CNTNAP2: variants seen among roughly 807,000 people sequenced by gnomAD.
CNTNAP2 encodes the protein contactin associated protein 2, also known as contactin-associated protein-like 2.
In CNTNAP2, 98 loss-of-function variants were observed where a neutral mutation model predicts 155.2. The observed-to-expected ratio is 0.63, with a 90% CI of 0.54 to 0.75. The LOEUF is 0.75. CNTNAP2 is among the 30% of genes least tolerant of loss of function. The pLI, the probability that CNTNAP2 is intolerant of heterozygous loss-of-function variation, is 0.00. For missense variants in CNTNAP2, 1,727 were observed against 1,688.1 expected, an observed-to-expected ratio of 1.02 and a Z score of -0.40; for synonymous variants, 651 against 631.2, an observed-to-expected ratio of 1.03 and a Z score of -0.47.
chr7:147,032,159 A>T (rs143689247), intron 3 of CNTNAP2, among the ~76,000 whole-genome samples: 8,639 of 152,160 alleles, frequency 0.057, 332 homozygotes, highest in Middle Eastern at 0.13. Flanking sequence ...CATTCTTTTT[A>T]AAAAAATGAC....
chr7:146,623,280 C>A (rs889117064), intron 1 of CNTNAP2, among the ~76,000 whole-genome samples: 18 of 152,144 alleles, frequency 1.2e-4, no homozygotes, highest in Non-Finnish European at 2.4e-4. Flanking sequence ...TGACTTCCTG[C>A]ATACGTTTTA....
At chr7:146,382,510 T>G (rs926133242) in intron 1 of CNTNAP2, among the ~76,000 whole-genome samples, 2 of 152,220 alleles carry the variant, frequency 1.3e-5, no homozygotes, top group African/African-American at 4.8e-5. Flanking sequence ...TTCATTAGGC[T>G]ACACCAAACT....
intron 2 of CNTNAP2, among the ~76,000 whole-genome samples, chr7:146,800,904 G>A (rs540580275): frequency 6.6e-6 from 1 of 152,086 alleles, no homozygotes; most frequent in Non-Finnish European, 1.5e-5. Context: ...CATGCAATGT[G>A]GGAAAAGTAT....
At chr7:146,802,945 G>A (rs1162687298) in intron 2 of CNTNAP2, among the ~76,000 whole-genome samples, 1 of 152,142 alleles carries the variant, frequency 6.6e-6, no homozygotes, top group Non-Finnish European at 1.5e-5. Flanking sequence ...TTCCAGTAGT[G>A]CTATGAAGAG....
intron 11 of CNTNAP2, among the ~76,000 whole-genome samples, chr7:147,533,164 G>A (rs1336431713): frequency 6.6e-6 from 1 of 152,100 alleles, no homozygotes; most frequent in Non-Finnish European, 1.5e-5. Context: ...TTCTGTTTGG[G>A]GATGTTGTTT....
chr7:147,468,491 G>A (rs1019714181), intron 10 of CNTNAP2, among the ~76,000 whole-genome samples: 7 of 152,052 alleles, frequency 4.6e-5, no homozygotes, highest in East Asian at 1.9e-4. Flanking sequence ...TGCAGGTAAC[G>A]GGACTTATGT....
chr7:147,659,812 A>G (rs950947201), intron 13 of CNTNAP2, among the ~76,000 whole-genome samples: 1 of 152,214 alleles, frequency 6.6e-6, no homozygotes, highest in Non-Finnish European at 1.5e-5. Flanking sequence ...ACATCACTCG[A>G]TGCTGTATTT....
intron 1 of CNTNAP2, among the ~76,000 whole-genome samples, chr7:146,415,988 T>G (rs1225972978): frequency 6.6e-6 from 1 of 152,032 alleles, no homozygotes; most frequent in Admixed American, 6.6e-5. Flanking sequence ...TGTGATAGTT[T>G]ATAAATTAAA....
chr7:146,222,324 G>A lies in CNTNAP2; in HGVS notation c.97+105351G>A, dbSNP rs184822050. 2.7e-3 allele frequency among the ~76,000 whole-genome samples: 407 copies of A among 152,294 alleles called. 1 individual carries two copies. The highest frequency in any genetic ancestry group is 3.6e-3 in the Non-Finnish European group (248 of 68,028). On this transcript the variant is annotated intron_variant, in intron 1 of 23. Transcript: ENST00000361727. ...ATCAAGAACATAGTAATGTCCTGTAGCCCAATGATGGAAGGAGGCTGGAAA... is the reference window on the plus strand; with the variant it reads ...ATCAAGAACATAGTAATGTCCTGTAACCCAATGATGGAAGGAGGCTGGAAA...
Position 146,933,139 on chromosome 7 carries a change from A to C in CNTNAP2, c.402+93235A>C, listed in dbSNP as rs1796817641. ...GAGCCCGCATCGCCAAGTCAATCCT[A>C]AGCCAAAAGAACAAAGCTGGAGGCA... On this transcript the variant is annotated intron_variant, in intron 3 of 23. Coordinates refer to ENST00000361727, the MANE Select transcript of CNTNAP2 (RefSeq NM_014141.6). Among the ~76,000 whole-genome samples, 3 of 152,088 alleles carry C rather than the reference A, an allele frequency of 2.0e-5. No homozygotes were observed. In the South Asian group the frequency reaches 6.2e-4, roughly 32 times the overall value.
At chr7:147,781,322 C>T (rs888861171) in intron 13 of CNTNAP2, among the ~76,000 whole-genome samples, 10 of 152,136 alleles carry the variant, frequency 6.6e-5, no homozygotes, top group African/African-American at 2.4e-4. Context: ...GCTCAAGTCT[C>T]AGATTTGTCC....
At chr7:146,459,367 C>T (rs1563092260) in intron 1 of CNTNAP2, among the ~76,000 whole-genome samples, 1 of 152,102 alleles carries the variant, frequency 6.6e-6, no homozygotes. Flanking sequence ...GCAGGTATTA[C>T]CACCTCACTC....
chr7:147,651,819 A>G (rs531774606), intron 13 of CNTNAP2, among the ~76,000 whole-genome samples: 1 of 152,314 alleles, frequency 6.6e-6, no homozygotes, highest in African/African-American at 2.4e-5. Context: ...TGAATATGGC[A>G]TGTGTCCATT....
intron 1 of CNTNAP2, among the ~76,000 whole-genome samples, chr7:146,164,406 A>G (rs1798280199): frequency 6.6e-6 from 1 of 152,126 alleles, no homozygotes. Context: ...GGCAGTGTGT[A>G]TTTAGGTAGG....
In CNTNAP2 at chr7:147,516,797, G is replaced by C. The variant is rs151091266; in HGVS notation, c.1777+30756G>C. Among the ~76,000 whole-genome samples the C allele has an allele frequency of 3.0e-3, 442 of 149,542 alleles. 1 individual carries two copies. The highest frequency in any genetic ancestry group is 9.9e-3 in the African/African-American group (403 of 40,592). On this transcript the variant is annotated intron_variant, in intron 11 of 23. Coordinates refer to ENST00000361727, the MANE Select transcript of CNTNAP2 (RefSeq NM_014141.6). ...CAATCATATAGCTAGATACAACCCA[G>C]AAGCAACTCTCATTCAGAAAACCAC... is the stretch of plus-strand genomic sequence containing the variant.
chr7:147,849,822 T>G (rs1021515097), intron 13 of CNTNAP2: 2 of 152,216 alleles, frequency 1.3e-5, no homozygotes, highest in African/African-American at 4.8e-5. Context: ...AATAGGCATG[T>G]TAGGCATTGG....
intron 1 of CNTNAP2, among the ~76,000 whole-genome samples, chr7:146,617,222 G>T (rs892145579): frequency 6.6e-6 from 1 of 152,178 alleles, no homozygotes; most frequent in Non-Finnish European, 1.5e-5. Context: ...AAGTCATCTA[G>T]CTCTGGAGGA....
chr7:148,076,160 C>A (rs1382126500), intron 15 of CNTNAP2, among the ~76,000 whole-genome samples: 2 of 152,110 alleles, frequency 1.3e-5, no homozygotes, highest in African/African-American at 4.8e-5. Context: ...GTCTACAGTT[C>A]AGATTCAAGG....
chr7:146,511,389 A>G (rs527895410), intron 1 of CNTNAP2, among the ~76,000 whole-genome samples: 2 of 152,102 alleles, frequency 1.3e-5, no homozygotes, highest in Admixed American at 1.3e-4. Context: ...AAGGGTTTCA[A>G]TTTTTCTCCA....
Sources: allele counts gnomAD v4.1 joint callset (sites outside exome capture counted in the v4.1 genomes callset), GRCh38; gene constraint gnomAD v4.1.1; transcripts MANE v1.5; gene names NCBI Gene and HGNC (gene_info 2026-07-23, HGNC 2026-07-21).